Variants in TIRAP observed in about 807,000 individuals in gnomAD.
The protein encoded by TIRAP is toll/interleukin-1 receptor domain-containing adapter protein.
Under a neutral mutation model 19.8 loss-of-function variants are expected in TIRAP, and 20 were observed. The observed-to-expected ratio is 1.01, with a 90% CI of 0.71 to 1.47. The LOEUF (loss-of-function observed/expected upper bound fraction) is 1.47, where lower values mean the gene tolerates loss of function less well. Among genes scored for constraint, TIRAP ranks in the 40% most tolerant of loss-of-function variants. The pLI is 0.00. For missense variants in TIRAP, 276 were observed against 285.1 expected, an observed-to-expected ratio of 0.97 and a Z score of 0.23; for synonymous variants, 125 against 121.7, an observed-to-expected ratio of 1.03 and a Z score of -0.18.
At chr11:126,286,339 TG>T (rs1565363101) in intron 1 of TIRAP, among the ~76,000 whole-genome samples, 1 of 152,062 alleles carries the variant, frequency 6.6e-6, no homozygotes, top group African/African-American at 2.4e-5. Flanking sequence ...CACTCCAGCC[TG>T]GGTAATGGAA....
Position 126,294,704 on chromosome 11 carries a change from CT to C in TIRAP, c.*1018del, listed in dbSNP as rs1188284187. On this transcript the variant is annotated 3_prime_UTR_variant, in exon 5 of 5. Coordinates refer to ENST00000392679, the MANE Select transcript of TIRAP (RefSeq NM_001318777.2). ...CTCCAATGTGTACTTTTGTGCCCCC[CT>C]CTCACTTCTCCCTATCATGACCCCT... 5.8e-6 allele frequency: 2 copies of C among 344,418 alleles called. No individual in the cohort carries two copies. Among genetic ancestry groups the C allele is most frequent in the African/African-American group, 2.1e-5 (1 of 46,628 alleles). 21.3% of individuals were successfully genotyped at this position (344,418 alleles called of 1,614,324 possible).
At chr11:126,283,236 C>G in intron 1 of TIRAP, 83 bp downstream of exon 1, 1 of 776,774 alleles carries the variant, frequency 1.3e-6, no homozygotes, top group Non-Finnish European at 1.6e-6. Context: ...CCGGCCTGGG[C>G]CCCAGAGTCC....
At chr11:126,289,743 C>T (rs1437191220) in intron 1 of TIRAP, 17 of 985,302 alleles carry the variant, frequency 1.7e-5, no homozygotes, top group Non-Finnish European at 1.9e-5. Flanking sequence ...AATACTACAG[C>T]CCCCACAGGC....
chr11:126,287,919 A>G lies in TIRAP; in HGVS notation c.-216-2543A>G, dbSNP rs1190753412. Among the ~76,000 whole-genome samples the G allele has an allele frequency of 6.6e-6, 1 of 151,926 alleles. No individual in the cohort carries two copies. Among genetic ancestry groups the G allele is most frequent in the East Asian group, 1.9e-4 (1 of 5,140 alleles). ...CAGGTGTGCGACACCATGCCTGGCT[A>G]ATTTTTGTATTTTTAGTAGAGACAG... is the stretch of plus-strand genomic sequence containing the variant. On this transcript the variant is annotated intron_variant, in intron 1 of 4. Transcript: ENST00000392679. The surrounding 1 kb of genome is among the most constrained non-coding windows in gnomAD (Gnocchi z 4.2).
chr11:126,290,659 ATC>A lies in TIRAP; in HGVS notation c.-93+77_-93+78del. 7.5e-7 allele frequency: 1 copy of A among 1,326,380 alleles called. No individual in the cohort carries two copies. The highest frequency in any genetic ancestry group is 9.6e-7 in the Non-Finnish European group (1 of 1,042,366). The allele number at this position is 1,326,380 out of a possible 1,614,324, so 82.2% of individuals were successfully genotyped here. ...CCAATCACAGTCGTGTCTGGCCCTAATCTCATGAGGAATGAAAGACCCATTTA... is the reference window on the plus strand; with the variant it reads ...CCAATCACAGTCGTGTCTGGCCCTAATCATGAGGAATGAAAGACCCATTTA... On this transcript the variant is annotated intron_variant, in intron 2 of 4. Coordinates refer to ENST00000392679, the MANE Select transcript of TIRAP (RefSeq NM_001318777.2). The surrounding 1 kb of genome is among the most constrained non-coding windows in gnomAD (Gnocchi z 4.9).
At chr11:126,283,279 G>A in intron 1 of TIRAP, 126 bp downstream of exon 1, 2 of 445,642 alleles carry the variant, frequency 4.5e-6, no homozygotes, top group Non-Finnish European at 5.9e-6. Context: ...GGTGCGCGCC[G>A]CCTCTGGTCC....
At position 126,290,954 on chromosome 11, in the gene TIRAP, G is replaced by A. The variant is rs1279482230; in HGVS notation, c.60G>A (p.Lys20=). Reference sequence around the variant, plus strand: ...CTCGGCCTAAGAAGCCTCTAGGCAAGATGGCTGGTGAGTGGAACCGGACTC... The same window carrying A: ...CTCGGCCTAAGAAGCCTCTAGGCAAAATGGCTGGTGAGTGGAACCGGACTC... ...PGSRPKKPLG[K]MADWFRQTLL... is the part of the protein sequence containing the mutation. The change falls in exon 3 of 5, where the codon AAG becomes AAA. Residue 20 remains lysine, a synonymous_variant. Transcript: ENST00000392679. This position sits in a 1 kb window ranked among gnomAD's most constrained non-coding sequence, Gnocchi z 4.9. 1.4e-5 allele frequency: 22 copies of A among 1,605,104 alleles called. No homozygotes were observed. Among genetic ancestry groups the A allele is most frequent in the Non-Finnish European group, 1.9e-5 (22 of 1,175,186 alleles).
intron 1 of TIRAP, among the ~76,000 whole-genome samples, chr11:126,284,033 CTTT>C (rs749115228): frequency 2.7e-5 from 3 of 113,196 alleles, no homozygotes. Flanking sequence ...TCATGTACTT[CTTT>C]TTTTTTTTTT....
chr11:126,291,113 C>A lies in TIRAP; in HGVS notation c.67+152C>A. The A allele has an allele frequency of 1.0e-6, 1 of 990,928 alleles. No homozygotes were observed. Among genetic ancestry groups the A allele is most frequent in the Non-Finnish European group, 1.5e-6 (1 of 685,462 alleles). 61.4% of individuals were successfully genotyped at this position (990,928 alleles called of 1,614,324 possible). ...CTGACCTGAATTCAGGGCCTGGATG[C>A]TTTGTGGAGAGTGAGGAGGGGAGGC... On this transcript the variant is annotated intron_variant, in intron 3 of 4. Transcript: ENST00000392679. This position sits in a 1 kb window ranked among gnomAD's most constrained non-coding sequence, Gnocchi z 5.6.
Position 126,294,315 on chromosome 11 carries a change from G to T in TIRAP, c.*628G>T. ...AAGAGCTGTAGGGAAGATGCAGTCA[G>T]CACTGCACTGTATTTTTTATTTATT... On this transcript the variant is annotated 3_prime_UTR_variant, in exon 5 of 5. Transcript: ENST00000392679. 1 of 348,958 alleles carries T rather than the reference G, an allele frequency of 2.9e-6. No homozygotes were observed. The allele number at this position is 348,958 out of a possible 1,614,324, so 21.6% of individuals were successfully genotyped here. A position where few individuals can be genotyped will look rare whatever the true frequency, so the allele number is the denominator to read the frequency against.
rs751251348 is a variant in TIRAP at position 126,292,577 on chromosome 11, A to G, written c.168A>G (p.Pro56=). 6.2e-7 allele frequency: 1 copy of G among 1,614,128 alleles called. No homozygotes were observed. The highest frequency in any genetic ancestry group is 1.1e-5 in the South Asian group (1 of 91,082). ...CACAGCCTACCTCACAGGACAGCCC[A>G]CTACCCCCAAGCCTCAGCTCAGTCA... The part of the protein sequence containing the change: ...DASQPTSQDS[P]LPPSLSSVTS... The change falls in exon 4 of 5, where the codon CCA becomes CCG. Residue 56 remains proline (P), a synonymous_variant. Coordinates refer to ENST00000392679, the MANE Select transcript of TIRAP (RefSeq NM_001318777.2).
Position 126,293,763 on chromosome 11 carries a change from C to A in TIRAP, c.*76C>A. 1 of 1,527,212 alleles carries A rather than the reference C, an allele frequency of 6.5e-7. No individual in the cohort carries two copies. The highest frequency in any genetic ancestry group is 1.1e-5 in the South Asian group (1 of 89,296). 94.6% of individuals were successfully genotyped at this position (1,527,212 alleles called of 1,614,324 possible). A position where few individuals can be genotyped will look rare whatever the true frequency, so the allele number is the denominator to read the frequency against. On this transcript the variant is annotated 3_prime_UTR_variant, in exon 5 of 5. Coordinates refer to ENST00000392679, the MANE Select transcript of TIRAP (RefSeq NM_001318777.2). ...AAACCCATGCAGGGCCTCGGATTCC[C>A]ACAAATGTGACAAGAGGTATAGGGA...
Position 126,290,567 on chromosome 11 carries a change from C to G in TIRAP, c.-111C>G. 1 of 1,062,970 alleles carries G rather than the reference C, an allele frequency of 9.4e-7. No homozygotes were observed. Among genetic ancestry groups the G allele is most frequent in the Non-Finnish European group, 1.1e-6 (1 of 881,136 alleles). The allele number at this position is 1,062,970 out of a possible 1,614,324, so 65.8% of individuals were successfully genotyped here. A position where few individuals can be genotyped will look rare whatever the true frequency, so the allele number is the denominator to read the frequency against. On this transcript the variant is annotated 5_prime_UTR_variant, in exon 2 of 5. Coordinates refer to ENST00000392679, the MANE Select transcript of TIRAP (RefSeq NM_001318777.2). This position sits in a 1 kb window ranked among gnomAD's most constrained non-coding sequence, Gnocchi z 4.9. ...AGCAGAGAACAGTTCCTCAGCTGGT[C>G]ATGCTGAGCTCATACCCTGTAAGTC...
At chr11:126,292,425 G>A in intron 3 of TIRAP, 52 bp from the exon 4 acceptor site, 1 of 1,595,830 alleles carries the variant, frequency 6.3e-7, no homozygotes, top group Non-Finnish European at 8.5e-7. Flanking sequence ...TGTGTGGGCA[G>A]TGAGAGGGCA....
chr11:126,285,024 T>C (rs1382783653), intron 1 of TIRAP, among the ~76,000 whole-genome samples: 1 of 152,060 alleles, frequency 6.6e-6, no homozygotes, highest in East Asian at 1.9e-4. Context: ...TTTTTCTCTG[T>C]AGCCATTTGG....
At position 126,288,041 on chromosome 11, in the gene TIRAP, A is replaced by G. The variant is rs1951341155; in HGVS notation, c.-216-2421A>G. On this transcript the variant is annotated intron_variant, in intron 1 of 4. Transcript: ENST00000392679. This position sits in a 1 kb window ranked among gnomAD's most constrained non-coding sequence, Gnocchi z 5.0. ...AGTGCTGGGATTACAGGGGAGCACC[A>G]GCACACCCGGCTAAATTTTGTATTT... Among the ~76,000 whole-genome samples, 1 of 151,920 alleles carries G rather than the reference A, an allele frequency of 6.6e-6. No individual in the cohort carries two copies. The highest frequency in any genetic ancestry group is 2.1e-4 in the South Asian group (1 of 4,818).
At chr11:126,293,452 A>G (rs1247589876) in intron 4 of TIRAP, 26 of 716,596 alleles carry the variant, frequency 3.6e-5, no homozygotes, top group South Asian at 3.6e-4. Flanking sequence ...ATGTCCATCA[A>G]GAGCTGGGAA....
chr11:126,284,358 C>T (rs930341987), intron 1 of TIRAP, among the ~76,000 whole-genome samples: 2 of 152,084 alleles, frequency 1.3e-5, no homozygotes, highest in Non-Finnish European at 2.9e-5. Context: ...ACGTGTGTGA[C>T]GTCTGACATT....
chr11:126,292,980 CTCCG>C lies in TIRAP; in HGVS notation c.572_575del (p.Leu191HisfsTer43). On this transcript the variant is annotated frameshift_variant, in exon 4 of 5. Transcript: ENST00000392679. LOFTEE classifies it high-confidence loss of function. ...CAGCAGAGCTGCCTACCCACCTGAGCTCCGATTCATGTACTACGTCGATGGCAGG... is the reference window on the plus strand; with the variant it reads ...CAGCAGAGCTGCCTACCCACCTGAGCATTCATGTACTACGTCGATGGCAGG... 1 of 1,614,200 alleles carries C rather than the reference CTCCG, an allele frequency of 6.2e-7. No homozygotes were observed. The highest frequency in any genetic ancestry group is 8.5e-7 in the Non-Finnish European group (1 of 1,180,012).
Sources: gnomAD v4.1 joint callset for allele counts (sites outside exome capture counted in the v4.1 genomes callset) on GRCh38, gnomAD v4.1.1 for gene constraint, Gnocchi (gnomAD v3.1) non-coding constraint, MANE v1.5 for transcripts, NCBI Gene and HGNC (gene_info 2026-07-23, HGNC 2026-07-21) for gene names.